The following NUP210L variants were observed in gnomAD, a reference collection of about 807,000 sequenced individuals.
NUP210L encodes the protein nuclear pore membrane glycoprotein 210-like.
In NUP210L, 74 loss-of-function variants were observed where a neutral mutation model predicts 208.5. The observed-to-expected ratio is 0.35, with a 90% CI of 0.29 to 0.43. NUP210L has a LOEUF of 0.43. NUP210L is among the 20% of genes least tolerant of loss of function. The pLI, the probability that NUP210L is intolerant of heterozygous loss-of-function variation, is 1.00. For synonymous variants in NUP210L, 780 were observed against 816.9 expected, an observed-to-expected ratio of 0.95 and a Z score of 0.77; for missense variants, 1,843 against 2,289.4, an observed-to-expected ratio of 0.81 and a Z score of 3.98.
At chr1:154,061,791 G>A (rs1654155791) in intron 17 of NUP210L, 117 bp from the exon 18 acceptor site, 1 of 691,218 alleles carries the variant, frequency 1.4e-6, no homozygotes. Flanking sequence ...TGCAGGGGAG[G>A]AAAAACTCTC....
exon 29 of NUP210L, chr1:154,027,586 T>A: frequency 6.2e-7 from 1 of 1,610,326 alleles, no homozygotes; most frequent in Non-Finnish European, 8.5e-7. Context: ...AGAGTTGGAG[T>A]TTTTCAAACA....
chr1:154,062,810 G>A (rs973766683), intron 17 of NUP210L, among the ~76,000 whole-genome samples: 4 of 151,850 alleles, frequency 2.6e-5, no homozygotes, highest in Non-Finnish European at 5.9e-5. Flanking sequence ...GAACTCCCGA[G>A]CTCAAGTGAT....
chr1:154,099,920 G>T, intron 14 of NUP210L, 78 bp downstream of exon 14: 1 of 1,412,406 alleles, frequency 7.1e-7, no homozygotes, highest in Non-Finnish European at 9.9e-7. Flanking sequence ...GGGGACCACA[G>T]ATAGCTAGTA....
At chr1:154,151,129 G>A (rs566677203) in intron 2 of NUP210L, among the ~76,000 whole-genome samples, 73 of 152,052 alleles carry the variant, frequency 4.8e-4, no homozygotes, top group African/African-American at 1.7e-3. Flanking sequence ...ATGAATTTGT[G>A]TAGTTAAAAA....
chr1:154,144,671 A>G (rs1659031656), intron 2 of NUP210L, among the ~76,000 whole-genome samples: 1 of 152,218 alleles, frequency 6.6e-6, no homozygotes, highest in Non-Finnish European at 1.5e-5. Context: ...CCATTCTACT[A>G]TTGTAACATT....
At chr1:154,018,746 G>A (rs1001387457) in intron 33 of NUP210L, among the ~76,000 whole-genome samples, 187 bp downstream of exon 33, 1 of 152,118 alleles carries the variant, frequency 6.6e-6, no homozygotes, top group Non-Finnish European at 1.5e-5. Context: ...TTAAAACACA[G>A]GTAGTCATTC....
chr1:154,096,231 A>G (rs1656173730), intron 14 of NUP210L, among the ~76,000 whole-genome samples: 1 of 152,192 alleles, frequency 6.6e-6, no homozygotes, highest in Non-Finnish European at 1.5e-5. Flanking sequence ...TAAAAACGTA[A>G]GCAAACTATG....
intron 36 of NUP210L, 146 bp downstream of exon 36, chr1:154,001,588 AT>A (rs1571151245): frequency 1.1e-6 from 1 of 896,066 alleles, no homozygotes; most frequent in African/African-American, 1.7e-5. Context: ...TATGAAGGAG[AT>A]GGGTTTTCTT....
intron 29 of NUP210L, 78 bp downstream of exon 29, chr1:154,027,428 T>G: frequency 9.9e-7 from 1 of 1,010,254 alleles, no homozygotes; most frequent in Non-Finnish European, 1.5e-6. Flanking sequence ...AAGGCAAAAG[T>G]GTTCTTTCTA....
chr1:154,051,781 C>CA, intron 25 of NUP210L, among the ~76,000 whole-genome samples: 1 of 152,316 alleles, frequency 6.6e-6, no homozygotes. Flanking sequence ...GGCTACAGGC[C>CA]AATCAAGAGA....
intron 16 of NUP210L, among the ~76,000 whole-genome samples, chr1:154,082,382 A>C (rs994436447): frequency 6.6e-6 from 1 of 152,180 alleles, no homozygotes; most frequent in African/African-American, 2.4e-5. Context: ...AACAATTGTA[A>C]ATGCGTATGT....
At chr1:154,130,232 A>T (rs955595997) in intron 7 of NUP210L, among the ~76,000 whole-genome samples, 5 of 152,120 alleles carry the variant, frequency 3.3e-5, no homozygotes, top group Admixed American at 2.6e-4. Flanking sequence ...TCAGCTACTC[A>T]GGAGGCTGAG....
intron 16 of NUP210L, among the ~76,000 whole-genome samples, chr1:154,088,311 G>T (rs1016138367): frequency 2.0e-5 from 3 of 151,300 alleles, no homozygotes; most frequent in African/African-American, 7.3e-5. Flanking sequence ...CTGGATGACT[G>T]CAGTGAGACC....
At chr1:154,055,901 G>C (rs1415962883) in intron 23 of NUP210L, among the ~76,000 whole-genome samples, 1 of 151,992 alleles carries the variant, frequency 6.6e-6, no homozygotes, top group Admixed American at 6.6e-5. Context: ...ACATATAAAA[G>C]TAGAACAGCT....
intron 27 of NUP210L, among the ~76,000 whole-genome samples, chr1:154,041,290 G>C (rs576238758): frequency 6.6e-6 from 1 of 151,988 alleles, no homozygotes; most frequent in Non-Finnish European, 1.5e-5. Flanking sequence ...TCCTATCCCA[G>C]TTTCTACTGT....
At chr1:154,046,164 T>C (rs1438790180) in exon 27 of NUP210L, 2 of 1,613,814 alleles carry the variant, frequency 1.2e-6, no homozygotes, top group South Asian at 1.1e-5. Flanking sequence ...GAGAAAGGGG[T>C]CTGGGTACTG....
exon 32 of NUP210L, chr1:154,022,153 A>G (rs1452375503): frequency 1.2e-6 from 2 of 1,614,020 alleles, no homozygotes; most frequent in Non-Finnish European, 1.7e-6. Flanking sequence ...TGAGTACTGA[A>G]GCAGATGATA....
intron 14 of NUP210L, among the ~76,000 whole-genome samples, chr1:154,096,054 T>A (rs1348071321): frequency 6.6e-6 from 1 of 152,142 alleles, no homozygotes; most frequent in Admixed American, 6.5e-5. Context: ...CATCAACCCA[T>A]CATGTACGTT....
At chr1:154,132,369 C>T (rs532764020) in intron 7 of NUP210L, among the ~76,000 whole-genome samples, 5 of 152,218 alleles carry the variant, frequency 3.3e-5, no homozygotes, top group Middle Eastern at 3.4e-3. Context: ...CTTTCTCCTC[C>T]GGAGGCATAA....
Sources: allele counts gnomAD v4.1 joint callset (sites outside exome capture counted in the v4.1 genomes callset), GRCh38; gene constraint gnomAD v4.1.1; transcripts MANE v1.5; gene names NCBI Gene and HGNC (gene_info 2026-07-23, HGNC 2026-07-21).